The following CACNG2 variants were observed in gnomAD, a reference collection of about 807,000 sequenced individuals.
CACNG2 encodes the protein voltage-dependent calcium channel gamma-2 subunit.
CACNG2 carries 3 observed loss-of-function variants against 25.9 expected under a neutral mutation model. The observed-to-expected ratio is 0.12, with a 90% confidence interval of 0.05 to 0.30. The LOEUF (loss-of-function observed/expected upper bound fraction) is 0.30. Ranked by LOEUF, CACNG2 falls within the 10% of genes least tolerant of loss-of-function variation. CACNG2 has a pLI of 1.00. For synonymous variants in CACNG2, 167 were observed against 173.3 expected (o/e 0.96, Z 0.29); for missense variants, 341 against 432.5 (o/e 0.79, Z 1.88).
At chr22:36,640,380 C>T (rs1347340815) in intron 1 of CACNG2, among the ~76,000 whole-genome samples, 1 of 152,204 alleles carries the variant, frequency 6.6e-6, no homozygotes, top group African/African-American at 2.4e-5. Flanking sequence ...TCCTCAGCCT[C>T]CAAAAATCCT....
rs190104065 is a variant in CACNG2 at position 36,606,097 on chromosome 22, C to T, written c.212-18549G>A. On this transcript the variant is annotated intron_variant, in intron 1 of 3. Transcript: ENST00000300105. This position sits in a 1 kb window ranked among gnomAD's most constrained non-coding sequence, Gnocchi z 5.7. ...AAGGTGTTCATCTTTCAGTTCAGTA[C>T]TTCAGCTCGTCCTTGAATTTTTATC... is the stretch of plus-strand genomic sequence containing the variant. Among the ~76,000 whole-genome samples the T allele has an allele frequency of 6.6e-6, 1 of 152,340 alleles. No homozygotes were observed. Among genetic ancestry groups the T allele is most frequent in the East Asian group, 1.9e-4 (1 of 5,190 alleles).
Position 36,634,705 on chromosome 22 carries a change from T to C in CACNG2, c.212-47157A>G, listed in dbSNP as rs565202586. ...TTAGTTAGTTATCTGCAATAATCAT[T>C]ACACATAGATCTTGTGCCAGGTTTT... On this transcript the variant is annotated intron_variant, in intron 1 of 3. Transcript: ENST00000300105. 3.9e-5 allele frequency among the ~76,000 whole-genome samples: 6 copies of C among 152,300 alleles called. No homozygotes were observed. In the South Asian group the frequency reaches 1.0e-3, roughly 26 times the overall value.
intron 1 of CACNG2, among the ~76,000 whole-genome samples, chr22:36,651,081 C>T (rs1936605293): frequency 6.6e-6 from 1 of 152,126 alleles, no homozygotes; most frequent in African/African-American, 2.4e-5. Flanking sequence ...CTCCTTAGCT[C>T]TTGTCTCTAC....
rs1189116311 is a variant in CACNG2 at position 36,601,580 on chromosome 22, G to A, written c.212-14032C>T. 2.0e-5 allele frequency among the ~76,000 whole-genome samples: 3 copies of A among 152,026 alleles called. No homozygotes were observed. The East Asian group carries it at 5.8e-4, about 29-fold the overall frequency. ...ACACTCTTGGCTCACTGCAACCTTC[G>A]CCTCCTGGGTTCAAGCGATTCTCAT... On this transcript the variant is annotated intron_variant, in intron 1 of 3. Transcript: ENST00000300105.
At chr22:36,616,695 C>T (rs1936026450) in intron 1 of CACNG2, among the ~76,000 whole-genome samples, 1 of 152,060 alleles carries the variant, frequency 6.6e-6, no homozygotes, top group Non-Finnish European at 1.5e-5. Context: ...CCATTGCATC[C>T]TGCTTGCTTG....
chr22:36,645,602 T>G (rs570811114), intron 1 of CACNG2, among the ~76,000 whole-genome samples: 1 of 151,930 alleles, frequency 6.6e-6, no homozygotes, highest in Admixed American at 6.5e-5. Flanking sequence ...TACATGTGCT[T>G]GTAATTGTTT....
Position 36,624,122 on chromosome 22 carries a change from GGGACCAGATTCCCT to G in CACNG2, c.212-36588_212-36575del, listed in dbSNP as rs540319773. Among the ~76,000 whole-genome samples, 47 of 152,298 alleles carry G rather than the reference GGGACCAGATTCCCT, an allele frequency of 3.1e-4. No homozygotes were observed. The East Asian group carries it at 6.0e-3, about 19-fold the overall frequency. ...GTTGCCTTTGAGCTTCAGATATCAG[GGGACCAGATTCCCT>G]GGAATTCATGATTTGGAATTCTAGA... On this transcript the variant is annotated intron_variant, in intron 1 of 3. Transcript: ENST00000300105.
At chr22:36,633,030 C>G (rs915691856) in intron 1 of CACNG2, among the ~76,000 whole-genome samples, 7 of 152,198 alleles carry the variant, frequency 4.6e-5, no homozygotes, top group African/African-American at 1.7e-4. Flanking sequence ...AGCCTCTTTG[C>G]TAACTGTTCT....
chr22:36,585,632 C>T (rs537077659), intron 2 of CACNG2, among the ~76,000 whole-genome samples: 8 of 152,308 alleles, frequency 5.3e-5, no homozygotes, highest in South Asian at 2.1e-4. Context: ...ACAGAGATTG[C>T]ATGGCCCACA....
chr22:36,666,408 AAAAT>A (rs552569400), intron 1 of CACNG2, among the ~76,000 whole-genome samples: 5 of 133,562 alleles, frequency 3.7e-5, no homozygotes, highest in Admixed American at 2.9e-4. Flanking sequence ...ACCCAGTCTC[AAAAT>A]AAATAAATAA....
intron 1 of CACNG2, among the ~76,000 whole-genome samples, chr22:36,627,194 G>A (rs1189363193): frequency 6.6e-6 from 1 of 152,130 alleles, no homozygotes; most frequent in Non-Finnish European, 1.5e-5. Flanking sequence ...TAGGACCTGG[G>A]GGAAGGAGGA....
chr22:36,618,527 G>T (rs958244785), intron 1 of CACNG2, among the ~76,000 whole-genome samples: 2 of 152,218 alleles, frequency 1.3e-5, no homozygotes, highest in African/African-American at 4.8e-5. Flanking sequence ...GACACAGTCA[G>T]GCAAGAATTG....
chr22:36,607,049 G>A (rs2145936909), intron 1 of CACNG2, among the ~76,000 whole-genome samples: 1 of 151,976 alleles, frequency 6.6e-6, no homozygotes, highest in African/African-American at 2.4e-5. Flanking sequence ...GAGCAATGGG[G>A]AGCCACTGAG....
At chr22:36,574,966 A>G (rs929427314) in intron 2 of CACNG2, among the ~76,000 whole-genome samples, 10 of 152,186 alleles carry the variant, frequency 6.6e-5, no homozygotes, top group African/African-American at 2.4e-4. Flanking sequence ...GGTTGAAGCT[A>G]TCTCACAGAC....
At chr22:36,655,597 T>C (rs774713513) in intron 1 of CACNG2, among the ~76,000 whole-genome samples, 5 of 152,238 alleles carry the variant, frequency 3.3e-5, no homozygotes, top group Non-Finnish European at 7.3e-5. Flanking sequence ...AGGTATTTAG[T>C]AAATGTTTGC....
chr22:36,651,523 C>A (rs1457657960), intron 1 of CACNG2, among the ~76,000 whole-genome samples: 2 of 152,140 alleles, frequency 1.3e-5, no homozygotes, highest in African/African-American at 4.8e-5. Context: ...GCCACTGAAC[C>A]TGGCCAATAA....
At position 36,569,837 on chromosome 22, in the gene CACNG2, G is replaced by A. The variant is rs140368818; in HGVS notation, c.296-3344C>T. Among the ~76,000 whole-genome samples the A allele has an allele frequency of 6.9e-3, 1,048 of 152,316 alleles. 13 individuals are homozygous for A. The highest frequency in any genetic ancestry group is 0.024 in the African/African-American group (981 of 41,552). On this transcript the variant is annotated intron_variant, in intron 2 of 3. Transcript: ENST00000300105. ...TTACAGGCCTGAGCCACCGCGCCCG[G>A]CCGTTAGATAGTTTCTAATAGCTCT...
chr22:36,564,327 G>A lies in CACNG2; in HGVS notation c.*24C>T. 1.2e-6 allele frequency: 2 copies of A among 1,600,394 alleles called. No individual in the cohort carries two copies. The highest frequency in any genetic ancestry group is 8.5e-7 in the Non-Finnish European group (1 of 1,173,642). On this transcript the variant is annotated 3_prime_UTR_variant, in exon 4 of 4. Coordinates refer to ENST00000300105, the MANE Select transcript of CACNG2 (RefSeq NM_006078.5). The surrounding 1 kb of genome is among the most constrained non-coding windows in gnomAD (Gnocchi z 6.7). ...CCGGGGACCGCGCCCTCCTCCCGCG[G>A]TCTTCTGGCGAGGCCCGCGGTCTTT...
At chr22:36,605,557 C>T (rs949239638) in intron 1 of CACNG2, among the ~76,000 whole-genome samples, 1 of 152,174 alleles carries the variant, frequency 6.6e-6, no homozygotes, top group East Asian at 1.9e-4. Flanking sequence ...CTACCTGGGT[C>T]CACATTCTAG....
Sources: gnomAD v4.1 joint callset for allele counts (sites outside exome capture counted in the v4.1 genomes callset) on GRCh38, gnomAD v4.1.1 for gene constraint, Gnocchi (gnomAD v3.1) non-coding constraint, MANE v1.5 for transcripts, NCBI Gene and HGNC (gene_info 2026-07-23, HGNC 2026-07-21) for gene names.